ZNF609: variants seen among roughly 807,000 people sequenced by gnomAD.
ZNF609 encodes zinc finger protein 609.
Under a neutral mutation model 109.5 loss-of-function variants are expected in ZNF609, and 11 were observed. The ratio of observed to expected loss-of-function variants is 0.10; its 90% CI spans 0.06 to 0.17. The LOEUF (loss-of-function observed/expected upper bound fraction) is 0.17, where lower values mean the gene tolerates loss of function less well. Ranked by LOEUF, ZNF609 falls within the 10% of genes least tolerant of loss-of-function variation. The pLI, the probability that ZNF609 is intolerant of heterozygous loss-of-function variation, is 1.00. For synonymous variants in ZNF609, 646 were observed against 662.0 expected, an observed-to-expected ratio of 0.98 and a Z score of 0.37; for missense variants, 1,559 against 1,772.4, an observed-to-expected ratio of 0.88 and a Z score of 2.16.
chr15:64,533,146 G>A (rs113543795), intron 2 of ZNF609, among the ~76,000 whole-genome samples: 1 of 151,710 alleles, frequency 6.6e-6, no homozygotes, highest in African/African-American at 2.4e-5. Flanking sequence ...TACCTCCCAC[G>A]TTTAAGCGAT....
chr15:64,461,130 T>G (rs1892933842), intron 1 of ZNF609, among the ~76,000 whole-genome samples: 1 of 145,746 alleles, frequency 6.9e-6, no homozygotes, highest in African/African-American at 2.5e-5. Context: ...CTGGCTAGGT[T>G]ATGGGAGCAG....
chr15:64,483,990 G>T (rs1709007169), intron 1 of ZNF609, among the ~76,000 whole-genome samples: 2 of 150,882 alleles, frequency 1.3e-5, no homozygotes, highest in South Asian at 2.1e-4. Context: ...GCACTGTGCT[G>T]CTTCCTTGTT....
intron 3 of ZNF609, among the ~76,000 whole-genome samples, chr15:64,641,863 C>G (rs776297703): frequency 7.9e-5 from 12 of 152,152 alleles, no homozygotes; most frequent in Non-Finnish European, 1.8e-4. Flanking sequence ...TAATAAAGAA[C>G]TCCTGGATAG....
chr15:64,619,344 G>A (rs1056744859), intron 2 of ZNF609, among the ~76,000 whole-genome samples: 1 of 152,072 alleles, frequency 6.6e-6, no homozygotes, highest in Non-Finnish European at 1.5e-5. Context: ...GATAAATGAA[G>A]CTATCTTTGT....
At position 64,499,405 on chromosome 15, in the gene ZNF609, G is replaced by A; in HGVS notation, c.-15G>A. On this transcript the variant is annotated 5_prime_UTR_variant, in exon 2 of 10. Transcript: ENST00000326648. ...GGAAGAGCCTTGAATCTTGAGGTGG[G>A]ACGTTGACTCTAAGATGTCCTTGAG... 6.2e-7 allele frequency: 1 copy of A among 1,608,512 alleles called. No homozygotes were observed. The highest frequency in any genetic ancestry group is 8.5e-7 in the Non-Finnish European group (1 of 1,176,518).
At chr15:64,546,067 G>C (rs1370124388) in intron 2 of ZNF609, among the ~76,000 whole-genome samples, 2 of 152,104 alleles carry the variant, frequency 1.3e-5, no homozygotes, top group Non-Finnish European at 2.9e-5. Flanking sequence ...TTAACTTTAT[G>C]AGAAAGTGGC....
At chr15:64,591,978 G>T in intron 2 of ZNF609, among the ~76,000 whole-genome samples, 1 of 151,980 alleles carries the variant, frequency 6.6e-6, no homozygotes, top group East Asian at 1.9e-4. Flanking sequence ...CAAAGTGCTG[G>T]GATTGCGAGT....
In ZNF609 at chr15:64,491,195, G is replaced by A. The variant is rs75369147; in HGVS notation, c.-127-8098G>A. ...TGATTGTTTCTCATTAGAGCCCTAGGTGGAAATTCATTTGATTAGCAAGCT... is the reference window on the plus strand; with the variant it reads ...TGATTGTTTCTCATTAGAGCCCTAGATGGAAATTCATTTGATTAGCAAGCT... On this transcript the variant is annotated intron_variant, in intron 1 of 9. Transcript: ENST00000326648. Among the ~76,000 whole-genome samples, 105 of 152,306 alleles carry A rather than the reference G, an allele frequency of 6.9e-4. 1 individual carries two copies. The highest frequency in any genetic ancestry group is 2.5e-3 in the African/African-American group (104 of 41,580).
chr15:64,680,726 G>T lies in ZNF609; in HGVS notation c.4026G>T (p.Gly1342=), dbSNP rs1896872096. ...GTGGTGGCAGCTGTAGCAGCGTCGG[G>T]GGAGCAAGTGGGGGTGAACGGAGTG... ...VGGGGSCSSV[G]GASGGERSVD... The change falls in exon 8 of 10, where the codon GGG becomes GGT. Residue 1342 remains glycine (G), a synonymous_variant. Coordinates refer to ENST00000326648, the MANE Select transcript of ZNF609 (RefSeq NM_015042.2). 1 of 1,613,372 alleles carries T rather than the reference G, an allele frequency of 6.2e-7. No individual in the cohort carries two copies. Among genetic ancestry groups the T allele is most frequent in the Non-Finnish European group, 8.5e-7 (1 of 1,179,982 alleles).
At chr15:64,560,429 A>T (rs943315977) in intron 2 of ZNF609, among the ~76,000 whole-genome samples, 4 of 151,262 alleles carry the variant, frequency 2.6e-5, no homozygotes, top group African/African-American at 9.7e-5. Flanking sequence ...CCATCTAGAT[A>T]GTGTTTATTT....
chr15:64,653,048 C>T (rs917139670), intron 3 of ZNF609: 4 of 152,184 alleles, frequency 2.6e-5, no homozygotes, highest in Non-Finnish European at 5.9e-5. Flanking sequence ...GTGGCTCTTC[C>T]TAGACAGGGC....
At chr15:64,519,398 G>T (rs1001791940) in intron 2 of ZNF609, among the ~76,000 whole-genome samples, 3 of 152,140 alleles carry the variant, frequency 2.0e-5, no homozygotes, top group Non-Finnish European at 1.5e-5. Flanking sequence ...GGCTCAGTAT[G>T]GGTCACTGAG....
At chr15:64,577,025 T>TATATATGTGTATATATACACATAA (rs1894979031) in intron 2 of ZNF609, among the ~76,000 whole-genome samples, 2 of 42,252 alleles carry the variant, frequency 4.7e-5, no homozygotes, top group African/African-American at 6.0e-5. Flanking sequence ...TACACATAAA[T>TATATATGTGTATATATACACATAA]ATATATATGT....
At chr15:64,557,911 C>G (rs887464321) in intron 2 of ZNF609, among the ~76,000 whole-genome samples, 2 of 152,100 alleles carry the variant, frequency 1.3e-5, no homozygotes, top group Non-Finnish European at 2.9e-5. Flanking sequence ...GTCTCGATCT[C>G]CTGACCTCGT....
chr15:64,634,069 C>CAT (rs774014385), intron 3 of ZNF609, among the ~76,000 whole-genome samples: 7 of 151,602 alleles, frequency 4.6e-5, no homozygotes, highest in Admixed American at 1.3e-4. Context: ...CACAGACATG[C>CAT]ATATATATAT....
At chr15:64,579,972 A>G (rs1381598199) in intron 2 of ZNF609, among the ~76,000 whole-genome samples, 2 of 152,240 alleles carry the variant, frequency 1.3e-5, no homozygotes, top group African/African-American at 4.8e-5. Context: ...ACCTGTGAAT[A>G]TGTTACCTTA....
intron 2 of ZNF609, among the ~76,000 whole-genome samples, chr15:64,601,099 T>C (rs574867520): frequency 6.6e-6 from 1 of 152,340 alleles, no homozygotes; most frequent in Admixed American, 6.5e-5. Context: ...TTTGGCCCTC[T>C]TGTTCCTGAT....
intron 2 of ZNF609, among the ~76,000 whole-genome samples, chr15:64,547,398 A>G (rs897981099): frequency 6.6e-6 from 1 of 152,152 alleles, no homozygotes; most frequent in Non-Finnish European, 1.5e-5. Flanking sequence ...GCATGTTAGG[A>G]TGACATAATT....
chr15:64,667,688 G>A (rs368308007), intron 3 of ZNF609, among the ~76,000 whole-genome samples: 1 of 151,950 alleles, frequency 6.6e-6, no homozygotes, highest in African/African-American at 2.4e-5. Flanking sequence ...CTTCAGCCTG[G>A]GCAACAAGAG....
Sources: allele counts gnomAD v4.1 joint callset (sites outside exome capture counted in the v4.1 genomes callset), GRCh38; gene constraint gnomAD v4.1.1; transcripts MANE v1.5; gene names NCBI Gene and HGNC (gene_info 2026-07-23, HGNC 2026-07-21).